PPARGC1A: variants seen among roughly 807,000 people sequenced by gnomAD.
PPARGC1A encodes peroxisome proliferator-activated receptor gamma coactivator 1-alpha.
PPARGC1A carries 25 observed loss-of-function variants against 88.7 expected under a neutral mutation model. The observed-to-expected ratio is 0.28, with a 90% CI of 0.21 to 0.39. The LOEUF is 0.39. Ranked by LOEUF, PPARGC1A falls within the 10% of genes least tolerant of loss-of-function variation. The pLI, the probability that PPARGC1A is intolerant of heterozygous loss-of-function variation, is 1.00. For synonymous variants in PPARGC1A, 363 were observed against 355.6 expected, an observed-to-expected ratio of 1.02 and a Z score of -0.24; for missense variants, 880 against 968.7, an observed-to-expected ratio of 0.91 and a Z score of 1.22.
At chr4:24,119,920 A>G in the PPARGC1A span, among the ~76,000 whole-genome samples, 57 of 152,310 alleles carry the variant, frequency 3.7e-4, no homozygotes, top group Admixed American at 3.7e-3. Context: ...TTTATTAGCC[A>G]TCATAAATTA....
the PPARGC1A span, among the ~76,000 whole-genome samples, chr4:24,150,864 G>A: frequency 1.3e-5 from 2 of 152,036 alleles, no homozygotes; most frequent in East Asian, 1.9e-4. Context: ...CTGCCCCCAA[G>A]GACCTCCATA....
chr4:23,802,129 C>A, intron 11 of PPARGC1A, 95 bp downstream of exon 11: 1 of 1,528,712 alleles, frequency 6.5e-7, no homozygotes, highest in Non-Finnish European at 9.0e-7. Flanking sequence ...TCTGTCAAAG[C>A]ACTTACATTG....
At chr4:23,985,385 C>T in the PPARGC1A span, among the ~76,000 whole-genome samples, 13 of 151,938 alleles carry the variant, frequency 8.6e-5, no homozygotes, top group South Asian at 1.5e-3. Flanking sequence ...CTGGCTCCTG[C>T]GGACCAGCAC....
At chr4:24,132,250 C>G in the PPARGC1A span, among the ~76,000 whole-genome samples, 39 of 151,994 alleles carry the variant, frequency 2.6e-4, no homozygotes, top group African/African-American at 9.2e-4. Flanking sequence ...GCCACATCTT[C>G]CAGTCCTCAA....
chr4:23,984,853 C>A, the PPARGC1A span, among the ~76,000 whole-genome samples: 1 of 152,086 alleles, frequency 6.6e-6, no homozygotes, highest in Non-Finnish European at 1.5e-5. Context: ...CATCTCCCAA[C>A]TCCCAGCCTA....
At chr4:23,990,083 A>T in the PPARGC1A span, among the ~76,000 whole-genome samples, 5 of 105,826 alleles carry the variant, frequency 4.7e-5, no homozygotes, top group South Asian at 3.6e-4. Context: ...TATTATATAT[A>T]ATATATATTA....
At chr4:24,266,115 C>T in the PPARGC1A span, among the ~76,000 whole-genome samples, 340 of 152,204 alleles carry the variant, frequency 2.2e-3, no homozygotes, top group African/African-American at 7.8e-3. Context: ...CGAGAGATGC[C>T]GGAGTTATTT....
At chr4:23,936,756 A>T in the PPARGC1A span, among the ~76,000 whole-genome samples, 7 of 152,122 alleles carry the variant, frequency 4.6e-5, no homozygotes, top group African/African-American at 1.7e-4. Flanking sequence ...CTGTAATCCC[A>T]GCTACTCGGG....
chr4:24,054,869 T>C, the PPARGC1A span, among the ~76,000 whole-genome samples: 1 of 152,172 alleles, frequency 6.6e-6, no homozygotes, highest in Non-Finnish European at 1.5e-5. Context: ...GCAGCAGTAG[T>C]AACTGTAGAA....
At chr4:23,843,490 G>A (rs1489077684) in intron 2 of PPARGC1A, among the ~76,000 whole-genome samples, 1 of 151,908 alleles carries the variant, frequency 6.6e-6, no homozygotes, top group African/African-American at 2.4e-5. Context: ...ATATAGTGAG[G>A]ATTTATCTTT....
the PPARGC1A span, among the ~76,000 whole-genome samples, chr4:24,183,346 A>G: frequency 6.6e-6 from 1 of 152,198 alleles, no homozygotes; most frequent in South Asian, 2.1e-4. Flanking sequence ...CAATCACTCT[A>G]GTTACAAGCT....
At chr4:24,330,485 G>A in the PPARGC1A span, among the ~76,000 whole-genome samples, 47 of 152,128 alleles carry the variant, frequency 3.1e-4, no homozygotes, top group Non-Finnish European at 5.7e-4. Flanking sequence ...TGCCAGGCAC[G>A]TACATGAAGG....
At chr4:24,229,146 CTGGACCTTTTTTTTTTT>C in the PPARGC1A span, among the ~76,000 whole-genome samples, 1 of 52,364 alleles carries the variant, frequency 1.9e-5, no homozygotes, top group East Asian at 6.0e-4. Context: ...GCTTGGGTAT[CTGGACCTTTTTTTTTTT>C]TTTTTTTTGA....
chr4:24,121,449 G>A, the PPARGC1A span, among the ~76,000 whole-genome samples: 20 of 152,224 alleles, frequency 1.3e-4, no homozygotes, highest in Non-Finnish European at 2.4e-4. Context: ...ACTGCTAGGG[G>A]GAGAGTAGCG....
chr4:24,329,838 A>G, the PPARGC1A span, among the ~76,000 whole-genome samples: 11 of 152,192 alleles, frequency 7.2e-5, no homozygotes, highest in Non-Finnish European at 1.2e-4. Flanking sequence ...ACTGCCTATG[A>G]GAGAATCTAA....
the PPARGC1A span, among the ~76,000 whole-genome samples, chr4:24,404,803 A>G: frequency 6.6e-6 from 1 of 152,236 alleles, no homozygotes; most frequent in Admixed American, 6.5e-5. Context: ...TTGAGGAAAG[A>G]AGACCTTCTT....
At chr4:23,920,845 CAGGG>C in the PPARGC1A span, among the ~76,000 whole-genome samples, 1 of 152,192 alleles carries the variant, frequency 6.6e-6, no homozygotes, top group Non-Finnish European at 1.5e-5. Context: ...TTGGAAGTAG[CAGGG>C]AGGTTCCTCC....
chr4:24,050,875 C>T, the PPARGC1A span, among the ~76,000 whole-genome samples: 13 of 152,160 alleles, frequency 8.5e-5, no homozygotes, highest in South Asian at 1.2e-3. Flanking sequence ...TATTTAGAAC[C>T]TAACCTTCCC....
the PPARGC1A span, among the ~76,000 whole-genome samples, chr4:24,126,054 G>C: frequency 0.54 from 82,519 of 151,908 alleles, 22,675 homozygotes; most frequent in Non-Finnish European, 0.55. Context: ...TTACAGACAA[G>C]GAAAAGAAAA....
Sources: gnomAD v4.1 joint callset for allele counts (sites outside exome capture counted in the v4.1 genomes callset) on GRCh38, gnomAD v4.1.1 for gene constraint, MANE v1.5 for transcripts, NCBI Gene and HGNC (gene_info 2026-07-23, HGNC 2026-07-21) for gene names.